Variants in PIEZO2 observed in about 807,000 individuals in gnomAD.
The protein encoded by PIEZO2 is piezo-type mechanosensitive ion channel component 2.
PIEZO2 carries 172 observed loss-of-function variants against 337.3 expected under a neutral mutation model. The ratio of observed to expected loss-of-function variants is 0.51; its 90% CI spans 0.45 to 0.58. The LOEUF (loss-of-function observed/expected upper bound fraction) is 0.58, where lower values mean the gene tolerates loss of function less well. PIEZO2 is among the 20% of genes least tolerant of loss of function. The pLI, the probability that PIEZO2 is intolerant of heterozygous loss-of-function variation, is 0.00. For missense variants in PIEZO2, 3,028 were observed against 3,391.3 expected (o/e 0.89, Z 2.66); for synonymous variants, 1,251 against 1,228.5 (o/e 1.02, Z -0.38).
chr18:10,724,793 C>A lies in PIEZO2; in HGVS notation c.5030-6534G>T. The A allele has an allele frequency of 6.3e-7, 1 of 1,585,408 alleles. No homozygotes were observed. The highest frequency in any genetic ancestry group is 1.2e-5 in the South Asian group (1 of 86,754). On this transcript the variant is annotated intron_variant, in intron 36 of 55. Coordinates refer to ENST00000674853, the MANE Select transcript of PIEZO2 (RefSeq NM_001378183.1). This position sits in a 1 kb window ranked among gnomAD's most constrained non-coding sequence, Gnocchi z 5.8. ...CTGGCAGTCCCCCCAGCACTGCAGC[C>A]CCAGCCTGAGCAGCAGTCGTTCTCA...
chr18:10,744,679 G>A (rs2037354399), intron 30 of PIEZO2, among the ~76,000 whole-genome samples: 1 of 152,174 alleles, frequency 6.6e-6, no homozygotes, highest in South Asian at 2.1e-4. Context: ...GGGACTATGT[G>A]AAGGCCAGTT....
chr18:10,693,940 G>GA (rs2034972645), intron 47 of PIEZO2, among the ~76,000 whole-genome samples: 1 of 152,034 alleles, frequency 6.6e-6, no homozygotes, highest in Admixed American at 6.6e-5. Flanking sequence ...ACACTCTCAT[G>GA]AAAAAATTAT....
At position 10,673,684 on chromosome 18, in the gene PIEZO2, G is replaced by A. The variant is rs1262423724; in HGVS notation, c.8162-811C>T. Reference sequence around the variant, plus strand: ...AGTGACATTGTATAGGTCTTTCTAAGAAGATTCCACTCCTGCCAATGATAC... The same window carrying A: ...AGTGACATTGTATAGGTCTTTCTAAAAAGATTCCACTCCTGCCAATGATAC... On this transcript the variant is annotated intron_variant, in intron 54 of 55. Coordinates refer to ENST00000674853, the MANE Select transcript of PIEZO2 (RefSeq NM_001378183.1). This position sits in a 1 kb window ranked among gnomAD's most constrained non-coding sequence, Gnocchi z 4.8. Among the ~76,000 whole-genome samples the A allele has an allele frequency of 6.6e-6, 1 of 152,184 alleles. No homozygotes were observed. Among genetic ancestry groups the A allele is most frequent in the African/African-American group, 2.4e-5 (1 of 41,438 alleles).
At chr18:10,926,443 G>A (rs2031745441) in intron 3 of PIEZO2, among the ~76,000 whole-genome samples, 1 of 152,248 alleles carries the variant, frequency 6.6e-6, no homozygotes, top group South Asian at 2.1e-4. Context: ...GCAGCTGGAC[G>A]GGCTCAGTTC....
chr18:10,694,374 A>AT (rs74664317), intron 47 of PIEZO2, among the ~76,000 whole-genome samples: 5,470 of 152,044 alleles, frequency 0.036, 229 homozygotes, highest in East Asian at 0.2. Context: ...CGTAAAATCC[A>AT]TTTTTTTTAT....
At chr18:10,802,038 A>T (rs1375583462) in intron 9 of PIEZO2, among the ~76,000 whole-genome samples, 1 of 147,498 alleles carries the variant, frequency 6.8e-6, no homozygotes, top group Non-Finnish European at 1.5e-5. Flanking sequence ...GTGAGCCGAG[A>T]TCCCGCCACT....
chr18:11,024,169 G>T (rs1046509495), intron 2 of PIEZO2, among the ~76,000 whole-genome samples: 4 of 152,232 alleles, frequency 2.6e-5, no homozygotes, highest in African/African-American at 9.6e-5. Context: ...CACCGAAAGC[G>T]AGCGAGGGTG....
intron 36 of PIEZO2, among the ~76,000 whole-genome samples, chr18:10,719,288 C>T (rs1340843990): frequency 2.0e-5 from 3 of 152,122 alleles, no homozygotes; most frequent in Non-Finnish European, 2.9e-5. Context: ...TTCTGGTGTA[C>T]TCATCACCAA....
chr18:10,754,619 T>C (rs761602729), intron 27 of PIEZO2, among the ~76,000 whole-genome samples: 4 of 152,308 alleles, frequency 2.6e-5, no homozygotes, highest in East Asian at 1.9e-4. Context: ...CAATAGTAAA[T>C]ATTGGGCTGG....
chr18:10,976,999 A>ATGTG (rs1491283264), intron 3 of PIEZO2, among the ~76,000 whole-genome samples: 1,171 of 50,196 alleles, frequency 0.023, 7 homozygotes, highest in African/African-American at 0.037. Context: ...GCAAGAACAA[A>ATGTG]TATGTGTGTG....
chr18:11,044,682 GATTCTTGTT>G (rs1248384486), intron 2 of PIEZO2, among the ~76,000 whole-genome samples: 1 of 152,186 alleles, frequency 6.6e-6, no homozygotes, highest in Non-Finnish European at 1.5e-5. Context: ...CTATACAGTT[GATTCTTGTT>G]ATTCATGGTT....
At chr18:10,950,116 T>C (rs1461857336) in intron 3 of PIEZO2, among the ~76,000 whole-genome samples, 2 of 152,224 alleles carry the variant, frequency 1.3e-5, no homozygotes, top group Non-Finnish European at 1.5e-5. Context: ...GGCAGTACCC[T>C]ATATATTTTA....
chr18:11,082,127 A>T (rs2038764506), intron 1 of PIEZO2, among the ~76,000 whole-genome samples: 1 of 152,106 alleles, frequency 6.6e-6, no homozygotes, highest in Non-Finnish European at 1.5e-5. Context: ...ACTAAACTTT[A>T]ACAGTTTGGG....
chr18:11,103,824 T>C (rs887093327), intron 1 of PIEZO2, among the ~76,000 whole-genome samples: 1 of 151,920 alleles, frequency 6.6e-6, no homozygotes, highest in Non-Finnish European at 1.5e-5. Flanking sequence ...TGTGCGTGTG[T>C]GCGTGTGTGT....
chr18:10,774,771 T>C (rs2144017891), intron 18 of PIEZO2, among the ~76,000 whole-genome samples: 1 of 152,350 alleles, frequency 6.6e-6, no homozygotes, highest in East Asian at 1.9e-4. Context: ...AAAAGCCTAG[T>C]AGACATACTG....
intron 5 of PIEZO2, among the ~76,000 whole-genome samples, chr18:10,860,459 C>A (rs888940775): frequency 6.6e-5 from 10 of 152,168 alleles, no homozygotes; most frequent in African/African-American, 2.4e-4. Context: ...GGCAGCTCTT[C>A]CATTCAGCTT....
intron 9 of PIEZO2, among the ~76,000 whole-genome samples, chr18:10,802,900 A>G (rs1169175703): frequency 6.7e-6 from 1 of 150,034 alleles, no homozygotes; most frequent in Admixed American, 6.8e-5. Flanking sequence ...TGAACCCAGG[A>G]GGCAGAGGTT....
chr18:10,785,375 C>A (rs2039181753), intron 16 of PIEZO2, among the ~76,000 whole-genome samples: 1 of 152,180 alleles, frequency 6.6e-6, no homozygotes, highest in South Asian at 2.1e-4. Flanking sequence ...AAATCCTCTT[C>A]TGTGGATTTA....
At chr18:10,771,206 A>G (rs1302577651) in intron 20 of PIEZO2, among the ~76,000 whole-genome samples, 1 of 152,252 alleles carries the variant, frequency 6.6e-6, no homozygotes, top group African/African-American at 2.4e-5. Context: ...TCTGGTTTCC[A>G]TGAAAAAGTG....
Sources: allele counts gnomAD v4.1 joint callset (sites outside exome capture counted in the v4.1 genomes callset), GRCh38; gene constraint gnomAD v4.1.1; non-coding constraint Gnocchi (gnomAD v3.1); transcripts MANE v1.5; gene names NCBI Gene and HGNC (gene_info 2026-07-23, HGNC 2026-07-21).